NFIB: variants seen among roughly 807,000 people sequenced by gnomAD.
NFIB encodes nuclear factor 1 B-type.
NFIB carries 11 observed loss-of-function variants against 61.5 expected under a neutral mutation model. The observed-to-expected ratio is 0.18, with a 90% CI of 0.11 to 0.30. The LOEUF (loss-of-function observed/expected upper bound fraction) is 0.30. Ranked by LOEUF, NFIB falls within the 10% of genes least tolerant of loss-of-function variation. The probability of loss-of-function intolerance (pLI) is 1.00; values close to 1 mark genes in which losing one functional copy is unlikely to be tolerated. For synonymous variants in NFIB, 260 were observed against 216.5 expected, an observed-to-expected ratio of 1.20 and a Z score of -1.76; for missense variants, 471 against 608.9, an observed-to-expected ratio of 0.77 and a Z score of 2.38.
chr9:14,096,516 C>T (rs753777261), intron 10 of NFIB: 8 of 152,186 alleles, frequency 5.3e-5, no homozygotes, highest in Admixed American at 1.3e-4. Context: ...GGTCACACTG[C>T]AGATCCTGCT....
intron 10 of NFIB, among the ~76,000 whole-genome samples, chr9:14,107,076 C>G (rs1267220217): frequency 6.6e-6 from 1 of 151,894 alleles, no homozygotes; most frequent in African/African-American, 2.4e-5. Flanking sequence ...CTCAATGAAA[C>G]AGATTTTTAA....
chr9:14,125,592 A>T, intron 7 of NFIB, 40 bp downstream of exon 7: 1 of 1,611,140 alleles, frequency 6.2e-7, no homozygotes, highest in Non-Finnish European at 8.5e-7. Flanking sequence ...GGCCCTACAG[A>T]CAAGAAGGAG....
In NFIB at chr9:14,313,950, A is replaced by AGGGGGGCGCG; in HGVS notation, c.-449_-440dup. ...AAATGCTTTTTCAAAAAAGGCGGGG[A>AGGGGGGCGCG]GGGGGGCGCGGGAGGGCGCAGGAGG... On this transcript the variant is annotated 5_prime_UTR_variant, in exon 1 of 11. Transcript: ENST00000380953. This position sits in a 1 kb window ranked among gnomAD's most constrained non-coding sequence, Gnocchi z 4.5. 8 of 759,186 alleles carry AGGGGGGCGCG rather than the reference A, an allele frequency of 1.1e-5. No individual in the cohort carries two copies. Among genetic ancestry groups the AGGGGGGCGCG allele is most frequent in the Non-Finnish European group, 1.2e-5 (8 of 691,672 alleles). 47.0% of individuals were successfully genotyped at this position (759,186 alleles called of 1,614,324 possible).
chr9:14,314,502 T>TC (rs1428967675), upstream of NFIB: 3 of 152,166 alleles, frequency 2.0e-5, no homozygotes, highest in Non-Finnish European at 2.9e-5. Flanking sequence ...CTCTTTTTTT[T>TC]CCCTCCCTCT....
At chr9:14,406,528 G>C in the NFIB span, among the ~76,000 whole-genome samples, 1 of 152,160 alleles carries the variant, frequency 6.6e-6, no homozygotes, top group African/African-American at 2.4e-5. Context: ...CTTGGGGAGT[G>C]TGTGATTGTG....
intron 2 of NFIB, among the ~76,000 whole-genome samples, chr9:14,258,130 A>G (rs2056404419): frequency 6.6e-6 from 1 of 152,220 alleles, no homozygotes; most frequent in African/African-American, 2.4e-5. Context: ...ACATGAATTT[A>G]ATAGAAGCAA....
At chr9:14,312,856 T>C (rs1158506886) in intron 1 of NFIB, among the ~76,000 whole-genome samples, 2 of 152,176 alleles carry the variant, frequency 1.3e-5, no homozygotes, top group East Asian at 1.9e-4. Flanking sequence ...TCAACGTAAA[T>C]ACTGCCTTTG....
rs1170457541 is a variant in NFIB at position 14,120,570 on chromosome 9, G to C, written c.1115C>G (p.Ala372Gly). 6.2e-7 allele frequency: 1 copy of C among 1,613,686 alleles called. No homozygotes were observed. Among genetic ancestry groups the C allele is most frequent in the South Asian group, 1.1e-5 (1 of 90,990 alleles). Residue 372 changes from alanine to glycine, a missense_variant, in exon 8 of 11, where the codon GCT becomes GGT. Around this residue, in one of 2 missense-constraint regions of NFIB, gnomAD observed 372 missense variants for 395.6 expected, o/e 0.94. Transcript: ENST00000380953. This position sits in a 1 kb window ranked among gnomAD's most constrained non-coding sequence, Gnocchi z 4.4. ...PPSPLPFPTQ[A>G]ILPPAPSSYF... ...GCTCGATGGGGCTGGAGGAAGGATA[G>C]CTTGTGTTGGAAATGGCAACGGTGA...
At chr9:14,218,630 G>A (rs924848359) in intron 2 of NFIB, among the ~76,000 whole-genome samples, 63 of 152,148 alleles carry the variant, frequency 4.1e-4, no homozygotes, top group Admixed American at 4.1e-3. Flanking sequence ...TTTGGTATCT[G>A]GATTACTGGG....
At chr9:14,526,013 T>C in the NFIB span, among the ~76,000 whole-genome samples, 3 of 152,102 alleles carry the variant, frequency 2.0e-5, no homozygotes, top group African/African-American at 7.2e-5. Flanking sequence ...TCACGACAGG[T>C]TGGAGCGACA....
the NFIB span, among the ~76,000 whole-genome samples, chr9:14,465,757 C>T: frequency 9.8e-5 from 15 of 152,286 alleles, no homozygotes; most frequent in East Asian, 2.3e-3. Context: ...TGCCACTCTA[C>T]TGCAGGGTGG....
chr9:14,375,307 C>T (rs983483430), intron 1 of NFIB, among the ~76,000 whole-genome samples: 29 of 152,162 alleles, frequency 1.9e-4, no homozygotes, highest in Admixed American at 1.5e-3. Context: ...AAGAGGAAGG[C>T]AAAATGAGAA....
chr9:14,383,030 T>C (rs1324593436), intron 1 of NFIB, among the ~76,000 whole-genome samples: 1 of 152,088 alleles, frequency 6.6e-6, no homozygotes, highest in Non-Finnish European at 1.5e-5. Context: ...TTGGCCTCAA[T>C]AAAACCAGTG....
the NFIB span, among the ~76,000 whole-genome samples, chr9:14,449,553 A>T: frequency 1.1e-4 from 16 of 152,210 alleles, no homozygotes; most frequent in South Asian, 6.2e-4. Flanking sequence ...TCATAAAGGA[A>T]GTTAAATTTG....
the NFIB span, among the ~76,000 whole-genome samples, chr9:14,528,028 G>C: frequency 6.6e-6 from 1 of 152,012 alleles, no homozygotes; most frequent in African/African-American, 2.4e-5. Context: ...ATGAAATACA[G>C]ACCGTAACAT....
intron 2 of NFIB, among the ~76,000 whole-genome samples, chr9:14,246,913 C>A (rs1450204392): frequency 1.3e-5 from 2 of 152,132 alleles, no homozygotes; most frequent in Admixed American, 1.3e-4. Context: ...AAGTTGAAGG[C>A]CTGTTAAAAC....
chr9:14,230,041 G>A (rs960188155), intron 2 of NFIB, among the ~76,000 whole-genome samples: 1 of 152,146 alleles, frequency 6.6e-6, no homozygotes, highest in Non-Finnish European at 1.5e-5. Context: ...CCGACCTCAG[G>A]TGATCAGCCC....
chr9:14,132,986 G>A (rs558862342), intron 6 of NFIB, among the ~76,000 whole-genome samples: 1 of 152,178 alleles, frequency 6.6e-6, no homozygotes, highest in East Asian at 1.9e-4. Context: ...CCTCTGGTAT[G>A]ATACTGACCA....
rs1342960985 is a variant in NFIB, at chr9:14,398,634, T to C, written c.-3A>G. The C allele has an allele frequency of 2.0e-5, 31 of 1,523,544 alleles. 1 individual carries two copies. Among genetic ancestry groups the C allele is most frequent in the Non-Finnish European group, 2.2e-5 (25 of 1,140,304 alleles). The allele number at this position is 1,523,544 out of a possible 1,614,324, so 94.4% of individuals were successfully genotyped here. The stretch of plus-strand genomic sequence containing the variant: ...ACAGACACTGGGATTCTTTCCATAC[T>C]CCGAACGGATTCCCGACAAGAAGCC... On this transcript the variant is annotated 5_prime_UTR_variant, in exon 1 of 9. Coordinates refer to the NFIB transcript ENST00000380934.
Sources: gnomAD v4.1 joint callset for allele counts (sites outside exome capture counted in the v4.1 genomes callset) on GRCh38, gnomAD v4.1.1 for gene constraint, gnomAD v4.1.1 regional missense constraint, Gnocchi (gnomAD v3.1) non-coding constraint, MANE v1.5 for transcripts, NCBI Gene and HGNC (gene_info 2026-07-23, HGNC 2026-07-21) for gene names.